The following ARIH1 variants were observed in gnomAD, a reference collection of about 807,000 sequenced individuals.
ARIH1 encodes the protein E3 ubiquitin-protein ligase ARIH1.
Under a neutral mutation model 85.0 loss-of-function variants are expected in ARIH1, and 8 were observed. The ratio of observed to expected loss-of-function variants is 0.09; its 90% confidence interval spans 0.06 to 0.17. ARIH1 has a LOEUF of 0.17. ARIH1 is among the 10% of genes least tolerant of loss of function. ARIH1 has a pLI of 1.00. For synonymous variants in ARIH1, 238 were observed against 253.6 expected, an observed-to-expected ratio of 0.94 and a Z score of 0.59; for missense variants, 311 against 718.1, an observed-to-expected ratio of 0.43 and a Z score of 6.48.
intron 2 of ARIH1, among the ~76,000 whole-genome samples, chr15:72,531,775 A>T (rs754829509): frequency 6.6e-6 from 1 of 152,234 alleles, no homozygotes; most frequent in Non-Finnish European, 1.5e-5. Flanking sequence ...TACCTAGAAT[A>T]CTATGTTCAT....
intron 2 of ARIH1, among the ~76,000 whole-genome samples, chr15:72,540,117 G>T (rs1054207467): frequency 6.6e-6 from 1 of 151,986 alleles, no homozygotes; most frequent in Non-Finnish European, 1.5e-5. Context: ...AATTAGCTGG[G>T]CGTGGTGGCA....
At chr15:72,557,232 T>C (rs1469171656) in intron 5 of ARIH1, among the ~76,000 whole-genome samples, 2 of 152,188 alleles carry the variant, frequency 1.3e-5, no homozygotes, top group East Asian at 3.8e-4. Context: ...TTGAGCATTT[T>C]TTTGTACCTG....
Position 72,590,644 on chromosome 15 carries a change from CAGTT to C in ARIH1, c.*7355_*7358del, listed in dbSNP as rs1271264139. On this transcript the variant is annotated 3_prime_UTR_variant, in exon 14 of 14. Coordinates refer to ENST00000379887, the MANE Select transcript of ARIH1 (RefSeq NM_005744.5). ...GGAATATAATGGCTATTCACAGGCA[CAGTT>C]AGGGTGCACTACTGCCGTGAACTCC... 1.3e-5 allele frequency: 2 copies of C among 152,134 alleles called. No homozygotes were observed. The highest frequency in any genetic ancestry group is 1.5e-5 in the Non-Finnish European group (1 of 68,056). 9.4% of individuals were successfully genotyped at this position (152,134 alleles called of 1,614,324 possible). A position where few individuals can be genotyped will look rare whatever the true frequency, so the allele number is the denominator to read the frequency against.
intron 2 of ARIH1, among the ~76,000 whole-genome samples, chr15:72,528,699 T>A (rs1436795486): frequency 6.6e-6 from 1 of 151,536 alleles, no homozygotes; most frequent in Admixed American, 6.6e-5. Context: ...TACAAAAAAA[T>A]AAAAAATTAG....
At chr15:72,494,961 GTA>G (rs1436060890) in intron 1 of ARIH1, among the ~76,000 whole-genome samples, 1 of 152,130 alleles carries the variant, frequency 6.6e-6, no homozygotes, top group African/African-American at 2.4e-5. Context: ...TCATCTGTGA[GTA>G]TTGTAATTGT....
chr15:72,483,854 C>A (rs1330022622), intron 1 of ARIH1, among the ~76,000 whole-genome samples: 1 of 146,816 alleles, frequency 6.8e-6, no homozygotes, highest in African/African-American at 2.5e-5. Flanking sequence ...GGATTTTTTT[C>A]ATTACTGTTT....
chr15:72,522,059 C>T (rs1399244888), intron 2 of ARIH1, among the ~76,000 whole-genome samples: 3 of 151,950 alleles, frequency 2.0e-5, no homozygotes, highest in Non-Finnish European at 2.9e-5. Context: ...CTTTTAATAA[C>T]TTTGTTCTTG....
intron 1 of ARIH1, among the ~76,000 whole-genome samples, chr15:72,491,706 A>T (rs2063860256): frequency 6.6e-6 from 1 of 152,192 alleles, no homozygotes; most frequent in African/African-American, 2.4e-5. Flanking sequence ...TTTTGCTCTT[A>T]ACCAGTTATC....
At chr15:72,561,831 G>A (rs1263397688) in intron 6 of ARIH1, among the ~76,000 whole-genome samples, 3 of 152,148 alleles carry the variant, frequency 2.0e-5, no homozygotes, top group East Asian at 3.9e-4. Flanking sequence ...AAATTAGCTG[G>A]GCACAGTGGC....
chr15:72,529,274 A>T (rs1343599546), intron 2 of ARIH1, among the ~76,000 whole-genome samples: 1 of 151,904 alleles, frequency 6.6e-6, no homozygotes, highest in Non-Finnish European at 1.5e-5. Context: ...CCCCTATCTC[A>T]CTATCTCACC....
At position 72,590,760 on chromosome 15, in the gene ARIH1, A is replaced by C. The variant is rs1473055350; in HGVS notation, c.*7468A>C. On this transcript the variant is annotated 3_prime_UTR_variant, in exon 14 of 14. Transcript: ENST00000379887. The stretch of plus-strand genomic sequence containing the variant: ...ACCATGCCCAGCTGACAATGGCTTT[A>C]TATACATAATATTTCCTCAGCAACA... The C allele has an allele frequency of 6.6e-6, 1 of 152,150 alleles. No individual in the cohort carries two copies. The highest frequency in any genetic ancestry group is 1.5e-5 in the Non-Finnish European group (1 of 68,048). The allele number at this position is 152,150 out of a possible 1,614,324, so 9.4% of individuals were successfully genotyped here. A position where few individuals can be genotyped will look rare whatever the true frequency, so the allele number is the denominator to read the frequency against.
At chr15:72,566,234 A>G (rs1274091392) in intron 7 of ARIH1, 1 of 254,816 alleles carries the variant, frequency 3.9e-6, no homozygotes, top group Non-Finnish European at 7.4e-6. Context: ...GTTAAGTAAA[A>G]GATTAAAAAT....
At chr15:72,489,646 G>A (rs149346892) in intron 1 of ARIH1, among the ~76,000 whole-genome samples, 46 of 152,302 alleles carry the variant, frequency 3.0e-4, no homozygotes, top group African/African-American at 8.9e-4. Context: ...TATGGTGGTC[G>A]TCCCAAAATG....
intron 1 of ARIH1, among the ~76,000 whole-genome samples, chr15:72,506,356 A>AAAAAAAAAAAAG (rs1173074425): frequency 2.7e-5 from 4 of 148,550 alleles, no homozygotes; most frequent in East Asian, 3.9e-4. Context: ...TCTCACAAAA[A>AAAAAAAAAAAAG]AAAAAAAAAG....
intron 1 of ARIH1, among the ~76,000 whole-genome samples, chr15:72,505,820 C>G (rs550763548): frequency 1.3e-5 from 2 of 152,236 alleles, no homozygotes; most frequent in African/African-American, 4.8e-5. Context: ...ACTGCACCCT[C>G]TGCCTCCCGA....
chr15:72,506,625 T>C (rs1435297289), intron 1 of ARIH1, among the ~76,000 whole-genome samples: 1 of 152,088 alleles, frequency 6.6e-6, no homozygotes, highest in Non-Finnish European at 1.5e-5. Context: ...TATTAAAAAA[T>C]TCTCTTTAAA....
rs939626684 is a variant in ARIH1, at chr15:72,593,649, C to G, written c.*10357C>G. ...ACGTGTGTGTGTATTTCTACATTTT[C>G]TGTTCTGTTCCATTAATCTATTTGT... On this transcript the variant is annotated 3_prime_UTR_variant, in exon 14 of 14. Transcript: ENST00000379887. 2 of 152,148 alleles carry G rather than the reference C, an allele frequency of 1.3e-5. No homozygotes were observed. The highest frequency in any genetic ancestry group is 4.8e-5 in the African/African-American group (2 of 41,434). The allele number at this position is 152,148 out of a possible 1,614,324, so 9.4% of individuals were successfully genotyped here. A position where few individuals can be genotyped will look rare whatever the true frequency, so the allele number is the denominator to read the frequency against.
chr15:72,483,598 T>C (rs563110741), intron 1 of ARIH1, among the ~76,000 whole-genome samples: 1 of 152,346 alleles, frequency 6.6e-6, no homozygotes, highest in East Asian at 1.9e-4. Flanking sequence ...AATGCCTTTC[T>C]ATCCAATCTT....
rs2064329251 is a variant in ARIH1 at position 72,588,928 on chromosome 15, A to C, written c.*5636A>C. The C allele has an allele frequency of 1.3e-5, 2 of 152,220 alleles. No homozygotes were observed. The highest frequency in any genetic ancestry group is 1.3e-4 in the Admixed American group (2 of 15,282). 9.4% of individuals were successfully genotyped at this position (152,220 alleles called of 1,614,324 possible). A position where few individuals can be genotyped will look rare whatever the true frequency, so the allele number is the denominator to read the frequency against. On this transcript the variant is annotated 3_prime_UTR_variant, in exon 14 of 14. Transcript: ENST00000379887. ...ACTGTCATTAAAGCTAGTTGCGTCA[A>C]GTCTGCACAATTCCACGAGCACTTA...
Sources: allele counts gnomAD v4.1 joint callset (sites outside exome capture counted in the v4.1 genomes callset), GRCh38; gene constraint gnomAD v4.1.1; transcripts MANE v1.5; gene names NCBI Gene and HGNC (gene_info 2026-07-23, HGNC 2026-07-21).